The following TTLL4 variants were observed in gnomAD, a reference collection of about 807,000 sequenced individuals.
TTLL4 encodes the protein tubulin tyrosine ligase like 4.
A neutral mutation model predicts 122.7 loss-of-function variants in TTLL4; 85 were observed. The ratio of observed to expected loss-of-function variants is 0.69; its 90% CI spans 0.58 to 0.83. The LOEUF (loss-of-function observed/expected upper bound fraction) is 0.83, where lower values mean the gene tolerates loss of function less well. Among genes scored for constraint, TTLL4 ranks in the 40% least tolerant of loss-of-function variants. The pLI is 0.00. For missense variants in TTLL4, 1,363 were observed against 1,488.6 expected (o/e 0.92, Z 1.39); for synonymous variants, 553 against 563.0 (o/e 0.98, Z 0.25).
chr2:218,748,732 A>G, intron 12 of TTLL4, 104 bp from the exon 13 acceptor site: 1 of 894,684 alleles, frequency 1.1e-6, no homozygotes, highest in Middle Eastern at 3.0e-4. Context: ...TGCGAAAGGA[A>G]GAGATATGAA....
In TTLL4 at chr2:218,746,600, A is replaced by G. The variant is rs568229395; in HGVS notation, c.1974+369A>G. On this transcript the variant is annotated intron_variant, in intron 8 of 19. Coordinates refer to ENST00000392102, the MANE Select transcript of TTLL4 (RefSeq NM_014640.5). ...TGTTTTCTGTTTATTATGTTTCCCT[A>G]TGATCACTGCACATTCCATTCTCCC... 27 of 367,150 alleles carry G rather than the reference A, an allele frequency of 7.4e-5. No homozygotes were observed. The East Asian group carries it at 1.2e-3, about 17-fold the overall frequency. 22.7% of individuals were successfully genotyped at this position (367,150 alleles called of 1,614,324 possible). A position where few individuals can be genotyped will look rare whatever the true frequency, so the allele number is the denominator to read the frequency against.
intron 19 of TTLL4, 30 bp downstream of exon 19, chr2:218,753,699 G>T (rs768925424): frequency 1.2e-5 from 20 of 1,609,790 alleles, no homozygotes; most frequent in Non-Finnish European, 1.7e-5. Context: ...GGGAGGGGCT[G>T]CTGGCTGTGA....
At chr2:218,743,125 CAA>C (rs1942748572) in intron 5 of TTLL4, among the ~76,000 whole-genome samples, 1 of 151,384 alleles carries the variant, frequency 6.6e-6, no homozygotes, top group Non-Finnish European at 1.5e-5. Context: ...GCCTGGGTGA[CAA>C]GAGCAAGACT....
Position 218,752,957 on chromosome 2 carries a change from T to C in TTLL4, c.3171T>C (p.His1057=), listed in dbSNP as rs780941903. The change falls in exon 17 of 20, where the codon CAT becomes CAC. Residue 1057 remains histidine (H), a synonymous_variant. Coordinates refer to ENST00000392102, the MANE Select transcript of TTLL4 (RefSeq NM_014640.5). ...CCACCCAATGGGAACAGAAATACCA[T>C]GGCAACAAGCTTAAAGGTGATGTGC... is the stretch of plus-strand genomic sequence containing the variant. The part of the protein sequence containing the change: ...ILTTQWEQKY[H]GNKLKGVDLL... The C allele has an allele frequency of 5.6e-6, 9 of 1,614,050 alleles. No homozygotes were observed. The Admixed American group carries it at 1.5e-4, about 27-fold the overall frequency.
At chr2:218,730,343 A>AG (rs1942341320) in intron 2 of TTLL4, among the ~76,000 whole-genome samples, 1 of 124,826 alleles carries the variant, frequency 8.0e-6, no homozygotes, top group African/African-American at 3.1e-5. Flanking sequence ...AAAAAAAAAA[A>AG]AAAAAAGAAA....
rs1942593859 is a variant in TTLL4, at chr2:218,738,353, A to G, written c.677A>G (p.Asn226Ser). 5 of 1,614,118 alleles carry G rather than the reference A, an allele frequency of 3.1e-6. No individual in the cohort carries two copies. The African/African-American group carries it at 5.3e-5, about 17-fold the overall frequency. ...AATAATAATTCCTTCATGTGGCCAA[A>G]TAGCACGCCAGTGCCTTTATTGCAG... ...MLNNNSFMWPNSTPVPLLQTT... is the reference protein window; with the variant it reads ...MLNNNSFMWPSSTPVPLLQTT... The change falls in exon 3 of 20, where the codon AAT becomes AGT. Residue 226 changes from asparagine to serine, a missense_variant. Physicochemically the swap from Asn to Ser is conservative, Grantham distance 46 (BLOSUM62 1). Transcript: ENST00000392102.
intron 1 of TTLL4, among the ~76,000 whole-genome samples, chr2:218,712,009 C>G (rs904678306): frequency 2.0e-5 from 3 of 151,896 alleles, no homozygotes; most frequent in African/African-American, 7.3e-5. Flanking sequence ...ACTTTGTGCT[C>G]AGAAAGTTAG....
intron 1 of TTLL4, among the ~76,000 whole-genome samples, chr2:218,718,968 A>G (rs1169089790): frequency 1.3e-5 from 2 of 152,178 alleles, no homozygotes; most frequent in Non-Finnish European, 2.9e-5. Context: ...GGGATGTTTC[A>G]GGCCATTTTG....
chr2:218,722,301 T>C (rs2106399374), intron 1 of TTLL4, among the ~76,000 whole-genome samples: 1 of 151,412 alleles, frequency 6.6e-6, no homozygotes, highest in East Asian at 1.9e-4. Flanking sequence ...GTCATCTTTG[T>C]CTGTTTCCAA....
intron 5 of TTLL4, 133 bp from the exon 6 acceptor site, chr2:218,744,976 T>C: frequency 8.2e-7 from 1 of 1,214,860 alleles, no homozygotes; most frequent in South Asian, 1.5e-5. Context: ...TAATTATTAA[T>C]TATTGAGCAC....
At chr2:218,751,416 C>T (rs548155032) in intron 15 of TTLL4, among the ~76,000 whole-genome samples, 1 of 152,270 alleles carries the variant, frequency 6.6e-6, no homozygotes, top group Non-Finnish European at 1.5e-5. Context: ...CTGAATTAAA[C>T]TGAACTGAAG....
chr2:218,748,975 AC>A (rs1942938784), intron 13 of TTLL4, 41 bp downstream of exon 13: 5 of 1,584,250 alleles, frequency 3.2e-6, no homozygotes, highest in Non-Finnish European at 4.3e-6. Context: ...CCTGCTGCTG[AC>A]CCCCTCCTTT....
intron 1 of TTLL4, among the ~76,000 whole-genome samples, chr2:218,722,558 G>A (rs1425194014): frequency 6.6e-6 from 1 of 152,150 alleles, no homozygotes; most frequent in African/African-American, 2.4e-5. Context: ...AGATCTGAGT[G>A]TTTCAGAGGA....
chr2:218,717,260 G>C (rs13387488), intron 1 of TTLL4, among the ~76,000 whole-genome samples: 1,708 of 151,980 alleles, frequency 0.011, 31 homozygotes, highest in African/African-American at 0.039. Context: ...ACCCCACCCA[G>C]CTACCTCTTA....
chr2:218,730,417 A>G (rs1023621048), intron 2 of TTLL4, among the ~76,000 whole-genome samples: 4 of 151,640 alleles, frequency 2.6e-5, no homozygotes, highest in African/African-American at 9.7e-5. Context: ...CTGAGGCAGA[A>G]CAACCACTTG....
At chr2:218,750,548 A>G (rs1942988414) in intron 15 of TTLL4, among the ~76,000 whole-genome samples, 1 of 152,030 alleles carries the variant, frequency 6.6e-6, no homozygotes, top group African/African-American at 2.4e-5. Flanking sequence ...TTCTAAAAAA[A>G]AAAAATTCTT....
At chr2:218,743,597 C>T (rs928880222) in intron 5 of TTLL4, among the ~76,000 whole-genome samples, 2 of 152,112 alleles carry the variant, frequency 1.3e-5, no homozygotes, top group Non-Finnish European at 1.5e-5. Flanking sequence ...ATGGTGGTTA[C>T]ATGTTTAGTT....
intron 1 of TTLL4, among the ~76,000 whole-genome samples, chr2:218,722,356 C>T (rs1398837311): frequency 6.8e-6 from 1 of 147,008 alleles, no homozygotes; most frequent in African/African-American, 2.5e-5. Context: ...CTTTGTTCAT[C>T]TTTTTTTTTT....
intron 1 of TTLL4, among the ~76,000 whole-genome samples, chr2:218,713,657 A>G (rs539033629): frequency 9.8e-5 from 15 of 152,338 alleles, no homozygotes; most frequent in Non-Finnish European, 1.6e-4. Context: ...CATGTAAAGA[A>G]TATGTTCCAG....
Sources: allele counts gnomAD v4.1 joint callset (sites outside exome capture counted in the v4.1 genomes callset), GRCh38; gene constraint gnomAD v4.1.1; transcripts MANE v1.5; gene names NCBI Gene and HGNC (gene_info 2026-07-23, HGNC 2026-07-21).